The following SNX9 variants were observed in gnomAD, a reference collection of about 807,000 sequenced individuals.
The protein encoded by SNX9 is sorting nexin 9.
A neutral mutation model predicts 89.4 loss-of-function variants in SNX9; 44 were observed. The ratio of observed to expected loss-of-function variants is 0.49; its 90% CI spans 0.39 to 0.63. SNX9 has a LOEUF of 0.63. SNX9 is among the 30% of genes least tolerant of loss of function. The pLI is 0.00. For missense variants in SNX9, 578 were observed against 736.1 expected, an observed-to-expected ratio of 0.79 and a Z score of 2.49; for synonymous variants, 236 against 247.8, an observed-to-expected ratio of 0.95 and a Z score of 0.45.
chr6:157,823,305 G>C lies in SNX9; in HGVS notation c.-130G>C. On this transcript the variant is annotated 5_prime_UTR_variant, in exon 1 of 18. Coordinates refer to ENST00000392185, the MANE Select transcript of SNX9 (RefSeq NM_016224.5). This position sits in a 1 kb window ranked among gnomAD's most constrained non-coding sequence, Gnocchi z 4.6. ...CGTCGAGACTCGGGGCCGAGGCGGA[G>C]GAGCGGCCGCCGCGCCGGGGCCCAG... 1 of 772,374 alleles carries C rather than the reference G, an allele frequency of 1.3e-6. No homozygotes were observed. The highest frequency in any genetic ancestry group is 1.9e-5 in the African/African-American group (1 of 53,182). The allele number at this position is 772,374 out of a possible 1,614,324, so 47.8% of individuals were successfully genotyped here. A position where few individuals can be genotyped will look rare whatever the true frequency, so the allele number is the denominator to read the frequency against.
At chr6:157,904,603 TG>T (rs1783172355) in intron 6 of SNX9, among the ~76,000 whole-genome samples, 1 of 151,938 alleles carries the variant, frequency 6.6e-6, no homozygotes, top group Non-Finnish European at 1.5e-5. Flanking sequence ...CCCAGCTACT[TG>T]GGAGACTGAG....
chr6:157,882,248 A>G (rs755990949), intron 4 of SNX9, among the ~76,000 whole-genome samples: 14 of 152,208 alleles, frequency 9.2e-5, no homozygotes, highest in Non-Finnish European at 1.6e-4. Flanking sequence ...TGTTTGCAAT[A>G]TGATTTACTG....
chr6:157,910,176 A>AC, intron 9 of SNX9, 151 bp downstream of exon 9: 1 of 655,456 alleles, frequency 1.5e-6, no homozygotes, highest in South Asian at 1.8e-5. Flanking sequence ...TGAAGAGAGA[A>AC]CCATTGCATG....
chr6:157,929,085 T>C (rs1248586279), intron 12 of SNX9, among the ~76,000 whole-genome samples: 2 of 152,194 alleles, frequency 1.3e-5, no homozygotes, highest in Admixed American at 1.3e-4. Context: ...AAAACCATAG[T>C]GTTTAGAAAA....
intron 9 of SNX9, among the ~76,000 whole-genome samples, chr6:157,913,731 A>G (rs987013846): frequency 1.3e-5 from 2 of 152,240 alleles, no homozygotes; most frequent in African/African-American, 4.8e-5. Flanking sequence ...CTAGGATGTC[A>G]TTATAAATGG....
chr6:157,903,610 A>G (rs1450789826), intron 6 of SNX9, among the ~76,000 whole-genome samples: 1 of 152,202 alleles, frequency 6.6e-6, no homozygotes, highest in Non-Finnish European at 1.5e-5. Flanking sequence ...AATTAGCCCC[A>G]TTTTGAAAAC....
At chr6:157,921,084 G>A (rs138077289) in intron 9 of SNX9, among the ~76,000 whole-genome samples, 32 of 152,330 alleles carry the variant, frequency 2.1e-4, no homozygotes, top group Admixed American at 1.8e-3. Context: ...ATACCATGTC[G>A]TTTGTAAGAA....
chr6:157,841,776 G>A (rs779745239), intron 1 of SNX9, among the ~76,000 whole-genome samples: 3 of 152,152 alleles, frequency 2.0e-5, no homozygotes, highest in African/African-American at 7.2e-5. Flanking sequence ...TGCATGCTGA[G>A]GCAACATAAA....
chr6:157,919,271 A>G (rs921044284), intron 9 of SNX9, among the ~76,000 whole-genome samples: 8 of 151,998 alleles, frequency 5.3e-5, no homozygotes, highest in Non-Finnish European at 1.2e-4. Flanking sequence ...TCACGTGCCC[A>G]CTCTACTATG....
chr6:157,890,273 G>T (rs554788061), intron 4 of SNX9, among the ~76,000 whole-genome samples: 53 of 152,092 alleles, frequency 3.5e-4, no homozygotes, highest in African/African-American at 1.3e-3. Flanking sequence ...CCCACCCCTC[G>T]TGGCCATTCT....
In SNX9 at chr6:157,896,916, G is replaced by C. The variant is rs770539783; in HGVS notation, c.390G>C (p.Glu130Asp). ...CAGAAGGCTGGGGGGCCCAGCCAGA[G>C]GGGGCTGGAGCCCAAAGAAACACAA... is the stretch of plus-strand genomic sequence containing the variant. The part of the protein sequence containing the change: ...ESSEGWGAQP[E>D]GAGAQRNTNT... Residue 130 changes from glutamate to aspartate, a missense_variant, in exon 5 of 18, where the codon GAG becomes GAC. Transcript: ENST00000392185. 1.7e-5 allele frequency: 28 copies of C among 1,613,294 alleles called. No individual in the cohort carries two copies. The Admixed American group carries it at 3.5e-4, about 20-fold the overall frequency.
intron 13 of SNX9, chr6:157,934,191 C>G (rs1233084992): frequency 5.3e-5 from 8 of 152,108 alleles, no homozygotes; most frequent in African/African-American, 1.7e-4. Flanking sequence ...AGTTCATGTA[C>G]TAACTTGAAA....
chr6:157,883,088 C>G (rs932998919), intron 4 of SNX9, among the ~76,000 whole-genome samples: 2 of 152,082 alleles, frequency 1.3e-5, no homozygotes, highest in Non-Finnish European at 1.5e-5. Context: ...CAACCACCAC[C>G]CTGATCAGTC....
At chr6:157,908,827 C>T (rs1783274510) in intron 7 of SNX9, among the ~76,000 whole-genome samples, 1 of 152,194 alleles carries the variant, frequency 6.6e-6, no homozygotes, top group Non-Finnish European at 1.5e-5. Context: ...CCCCAGTGAG[C>T]TAGTGTAAGC....
At chr6:157,896,039 T>C (rs1190864303) in intron 4 of SNX9, among the ~76,000 whole-genome samples, 2 of 152,204 alleles carry the variant, frequency 1.3e-5, no homozygotes, top group East Asian at 3.8e-4. Context: ...TATTTCCTTA[T>C]TAACCCATCC....
intron 13 of SNX9, among the ~76,000 whole-genome samples, chr6:157,935,136 A>AT (rs1203373947): frequency 6.6e-6 from 1 of 152,232 alleles, no homozygotes; most frequent in Non-Finnish European, 1.5e-5. Flanking sequence ...AAGAGAAAGA[A>AT]TTAAGCACTT....
At chr6:157,825,867 C>T (rs1337049182) in intron 1 of SNX9, among the ~76,000 whole-genome samples, 2 of 152,074 alleles carry the variant, frequency 1.3e-5, no homozygotes, top group Non-Finnish European at 2.9e-5. Context: ...TTTTCTTTGT[C>T]TTCTTCAAGG....
chr6:157,906,471 A>G (rs1468745591), intron 7 of SNX9, among the ~76,000 whole-genome samples: 1 of 152,084 alleles, frequency 6.6e-6, no homozygotes, highest in East Asian at 1.9e-4. Flanking sequence ...ATTTTTTTCT[A>G]AAGTGTCTTG....
chr6:157,932,340 C>T, intron 13 of SNX9, 68 bp downstream of exon 13: 4 of 1,388,658 alleles, frequency 2.9e-6, no homozygotes, highest in Non-Finnish European at 3.1e-6. Context: ...TGCTTAGGAT[C>T]CTGCAGACGC....
Sources: allele counts gnomAD v4.1 joint callset (sites outside exome capture counted in the v4.1 genomes callset), GRCh38; gene constraint gnomAD v4.1.1; non-coding constraint Gnocchi (gnomAD v3.1); transcripts MANE v1.5; gene names NCBI Gene and HGNC (gene_info 2026-07-23, HGNC 2026-07-21).